PCDHGB5: variants seen among roughly 807,000 people sequenced by gnomAD.
The protein encoded by PCDHGB5 is protocadherin gamma subfamily B, 5.
PCDHGB5 carries 48 observed loss-of-function variants against 62.9 expected under a neutral mutation model. The ratio of observed to expected loss-of-function variants is 0.76; its 90% CI spans 0.61 to 0.97. PCDHGB5 has a LOEUF of 0.97. Ranked by LOEUF, PCDHGB5 falls within the 50% of genes least tolerant of loss-of-function variation. PCDHGB5 has a pLI of 0.00. For synonymous variants in PCDHGB5, 474 were observed against 511.2 expected, an observed-to-expected ratio of 0.93 and a Z score of 0.98; for missense variants, 1,118 against 1,198.6, an observed-to-expected ratio of 0.93 and a Z score of 0.99.
At position 141,477,379 on chromosome 5, in the gene PCDHGB5, A is replaced by T; in HGVS notation, c.2398-17428A>T. Reference sequence around the variant, plus strand: ...CAGACCTGGATCGGGAGACTGTGCCAGAATACAACCTCAGCATCACCGCCC... The same window carrying T: ...CAGACCTGGATCGGGAGACTGTGCCTGAATACAACCTCAGCATCACCGCCC... On this transcript the variant is annotated intron_variant, in intron 1 of 3. Transcript: ENST00000617380. The surrounding 1 kb of genome is among the most constrained non-coding windows in gnomAD (Gnocchi z 4.9). 1.2e-6 allele frequency: 2 copies of T among 1,614,184 alleles called. No individual in the cohort carries two copies. The highest frequency in any genetic ancestry group is 1.7e-6 in the Non-Finnish European group (2 of 1,180,034).
intron 1 of PCDHGB5, among the ~76,000 whole-genome samples, chr5:141,442,967 G>T (rs553833025): frequency 1.3e-5 from 2 of 152,220 alleles, no homozygotes; most frequent in African/African-American, 2.4e-5. Context: ...AGACATTCTG[G>T]CTGATAAAGT....
chr5:141,409,056 C>T, intron 1 of PCDHGB5: 2 of 1,613,926 alleles, frequency 1.2e-6, no homozygotes, highest in South Asian at 1.1e-5. Context: ...CGAAGCACTG[C>T]CCAGAGCACA....
chr5:141,457,149 G>A (rs1016628234), intron 1 of PCDHGB5, among the ~76,000 whole-genome samples: 6 of 152,180 alleles, frequency 3.9e-5, no homozygotes, highest in African/African-American at 1.4e-4. Flanking sequence ...TCAGTTAGAA[G>A]GTGCTACCAT....
rs1214853229 is a variant in PCDHGB5 at position 141,432,238 on chromosome 5, GAA to G, written c.2397+31715_2397+31716del. ...CCCAGATCACTTATTCCCTGGCTGA[GAA>G]CACCATCCAAGGGGCAAGCCTATCG... On this transcript the variant is annotated intron_variant, in intron 1 of 3. Coordinates refer to ENST00000617380, the MANE Select transcript of PCDHGB5 (RefSeq NM_018925.3). The surrounding 1 kb of genome is among the most constrained non-coding windows in gnomAD (Gnocchi z 6.0). 1 of 1,614,216 alleles carries G rather than the reference GAA, an allele frequency of 6.2e-7. No homozygotes were observed. The highest frequency in any genetic ancestry group is 2.2e-5 in the East Asian group (1 of 44,882).
Position 141,477,187 on chromosome 5 carries a change from G to A in PCDHGB5, c.2398-17620G>A, listed in dbSNP as rs2154575648. ...CCCCGGAGATCACAGTCACCTCCGT[G>A]TACAGCCCAGTACCCGAGGATGCCC... On this transcript the variant is annotated intron_variant, in intron 1 of 3. Coordinates refer to ENST00000617380, the MANE Select transcript of PCDHGB5 (RefSeq NM_018925.3). The surrounding 1 kb of genome is among the most constrained non-coding windows in gnomAD (Gnocchi z 4.9). The A allele has an allele frequency of 6.2e-7, 1 of 1,614,190 alleles. No individual in the cohort carries two copies. The highest frequency in any genetic ancestry group is 2.2e-5 in the East Asian group (1 of 44,874).
chr5:141,483,786 C>T (rs2099587125), intron 1 of PCDHGB5, among the ~76,000 whole-genome samples: 1 of 152,136 alleles, frequency 6.6e-6, no homozygotes, highest in African/African-American at 2.4e-5. Context: ...AGGATAAGAA[C>T]TCCAGTTGTT....
intron 1 of PCDHGB5, chr5:141,424,767 A>T (rs139479155): frequency 2.9e-4 from 44 of 152,290 alleles, no homozygotes; most frequent in African/African-American, 1.0e-3. Flanking sequence ...TTCTTATGGC[A>T]AATAGTACAT....
chr5:141,410,640 G>A (rs747132686), intron 1 of PCDHGB5: 1 of 1,599,056 alleles, frequency 6.3e-7, no homozygotes, highest in Non-Finnish European at 8.5e-7. Flanking sequence ...TCTTTTTTGT[G>A]TGTGATTTAT....
intron 1 of PCDHGB5, chr5:141,414,483 A>T (rs756254490): frequency 5.6e-6 from 9 of 1,613,826 alleles, no homozygotes; most frequent in Non-Finnish European, 6.8e-6. Flanking sequence ...GTCCTCCTCT[A>T]TCAACGGAAG....
In PCDHGB5 at chr5:141,486,981, A is replaced by G. The variant is rs1457098151; in HGVS notation, c.2398-7826A>G. Reference sequence around the variant, plus strand: ...GCTGTGGACTTGGATTCAGGTTACAATGCTTGGGTTTCCTATCAGCTCCTG... The same window carrying G: ...GCTGTGGACTTGGATTCAGGTTACAGTGCTTGGGTTTCCTATCAGCTCCTG... On this transcript the variant is annotated intron_variant, in intron 1 of 3. Coordinates refer to ENST00000617380, the MANE Select transcript of PCDHGB5 (RefSeq NM_018925.3). The surrounding 1 kb of genome is among the most constrained non-coding windows in gnomAD (Gnocchi z 5.0). 17 of 1,614,038 alleles carry G rather than the reference A, an allele frequency of 1.1e-5. No individual in the cohort carries two copies. The highest frequency in any genetic ancestry group is 4.0e-5 in the African/African-American group (3 of 74,922).
At chr5:141,481,779 C>T (rs1367771159) in intron 1 of PCDHGB5, among the ~76,000 whole-genome samples, 2 of 152,092 alleles carry the variant, frequency 1.3e-5, no homozygotes, top group Non-Finnish European at 2.9e-5. Flanking sequence ...TGGTGAAACC[C>T]CGTCTCTACT....
chr5:141,409,669 C>A, intron 1 of PCDHGB5: 1 of 1,613,528 alleles, frequency 6.2e-7, no homozygotes, highest in Non-Finnish European at 8.5e-7. Context: ...ACATCTCCTA[C>A]TCTATAGTGG....
At chr5:141,420,391 G>C in intron 1 of PCDHGB5, 1 of 1,270,636 alleles carries the variant, frequency 7.9e-7, no homozygotes, top group Non-Finnish European at 1.0e-6. Flanking sequence ...GCAAAATATA[G>C]GTCAAATTTA....
At chr5:141,415,640 T>C in intron 1 of PCDHGB5, 1 of 1,594,726 alleles carries the variant, frequency 6.3e-7, no homozygotes, top group Non-Finnish European at 8.5e-7. Context: ...TTTACTTTTG[T>C]TAAAAAAAAA....
chr5:141,439,568 A>G (rs2098121048), intron 1 of PCDHGB5, among the ~76,000 whole-genome samples: 1 of 152,208 alleles, frequency 6.6e-6, no homozygotes, highest in Non-Finnish European at 1.5e-5. Context: ...GTTCTAGAGT[A>G]GGGACTCAGA....
At chr5:141,469,552 C>T (rs956606902) in intron 1 of PCDHGB5, among the ~76,000 whole-genome samples, 3 of 151,910 alleles carry the variant, frequency 2.0e-5, no homozygotes, top group Non-Finnish European at 4.4e-5. Flanking sequence ...TCCAGCCTGG[C>T]GACAGAGTGA....
Position 141,477,983 on chromosome 5 carries a change from C to T in PCDHGB5, c.2398-16824C>T. 1 of 1,614,126 alleles carries T rather than the reference C, an allele frequency of 6.2e-7. No individual in the cohort carries two copies. Among genetic ancestry groups the T allele is most frequent in the Non-Finnish European group, 8.5e-7 (1 of 1,180,024 alleles). ...TAACCAGAGCCTTTTTGCCATAGGGCTGCACACTGGTCAAATCAGTACTGC... is the reference window on the plus strand; with the variant it reads ...TAACCAGAGCCTTTTTGCCATAGGGTTGCACACTGGTCAAATCAGTACTGC... On this transcript the variant is annotated intron_variant, in intron 1 of 3. Coordinates refer to ENST00000617380, the MANE Select transcript of PCDHGB5 (RefSeq NM_018925.3). The surrounding 1 kb of genome is among the most constrained non-coding windows in gnomAD (Gnocchi z 4.9).
At chr5:141,408,974 G>T (rs899313364) in intron 1 of PCDHGB5, 1 of 1,613,690 alleles carries the variant, frequency 6.2e-7, no homozygotes, top group South Asian at 1.1e-5. Flanking sequence ...TCTGCCCCCT[G>T]GGTCCCCTGT....
intron 1 of PCDHGB5, chr5:141,407,909 G>T: frequency 4.7e-6 from 2 of 425,700 alleles, no homozygotes; most frequent in Non-Finnish European, 8.3e-6. Context: ...TGAAAAACCG[G>T]GCTGCTGTCC....
Sources: gnomAD v4.1 joint callset for allele counts (sites outside exome capture counted in the v4.1 genomes callset) on GRCh38, gnomAD v4.1.1 for gene constraint, Gnocchi (gnomAD v3.1) non-coding constraint, MANE v1.5 for transcripts, NCBI Gene and HGNC (gene_info 2026-07-23, HGNC 2026-07-21) for gene names.